Variants in CSMD1 observed in about 807,000 individuals in gnomAD.
The protein encoded by CSMD1 is CUB and Sushi multiple domains 1.
A neutral mutation model predicts 417.5 loss-of-function variants in CSMD1; 213 were observed. That is an observed-to-expected ratio of 0.51 (90% confidence interval 0.46 to 0.57). CSMD1 has a LOEUF of 0.57. Ranked by LOEUF, CSMD1 falls within the 20% of genes least tolerant of loss-of-function variation. The probability of loss-of-function intolerance (pLI) is 0.00; values close to 1 mark genes in which losing one functional copy is unlikely to be tolerated. For synonymous variants in CSMD1, 2,862 were observed against 1,736.8 expected, an observed-to-expected ratio of 1.65 and a Z score of -16.11; for missense variants, 6,923 against 4,529.7, an observed-to-expected ratio of 1.53 and a Z score of -15.17.
intron 3 of CSMD1, among the ~76,000 whole-genome samples, chr8:4,315,228 G>C (rs1263731677): frequency 6.6e-6 from 1 of 152,178 alleles, no homozygotes; most frequent in East Asian, 1.9e-4. Flanking sequence ...TCAAAGGAAA[G>C]CCCAGCTCTG....
chr8:3,707,122 G>T (rs1294133246), intron 7 of CSMD1, among the ~76,000 whole-genome samples: 2 of 152,258 alleles, frequency 1.3e-5, no homozygotes, highest in African/African-American at 2.4e-5. Context: ...GCGCAGGACT[G>T]AGCACAGACT....
At chr8:3,740,903 G>C (rs1796767254) in intron 6 of CSMD1, among the ~76,000 whole-genome samples, 1 of 152,080 alleles carries the variant, frequency 6.6e-6, no homozygotes, top group South Asian at 2.1e-4. Flanking sequence ...CCAGGGGTGG[G>C]AGGAAACTGG....
rs188041655 is a variant in CSMD1 at position 4,121,682 on chromosome 8, G to C, written c.416-89583C>G. ...TAAGCCAAGATTTTCTAATTTCAAA[G>C]TTGAAGAGGGTTTTCATCATTCTGA... On this transcript the variant is annotated intron_variant, in intron 3 of 69. Coordinates refer to ENST00000635120, the MANE Select transcript of CSMD1 (RefSeq NM_033225.6). 3.8e-3 allele frequency among the ~76,000 whole-genome samples: 569 copies of C among 149,770 alleles called. 2 individuals carry two copies. Among genetic ancestry groups the C allele is most frequent in the African/African-American group, 0.013 (538 of 40,756 alleles).
intron 3 of CSMD1, among the ~76,000 whole-genome samples, chr8:4,393,117 A>C (rs528629703): frequency 1.7e-4 from 26 of 152,034 alleles, no homozygotes; most frequent in Non-Finnish European, 3.5e-4. Flanking sequence ...CTGGGATTAC[A>C]GGCGTGTGCC....
chr8:4,717,310 C>CATATATATATATATATATATAT (rs377764710), intron 1 of CSMD1, among the ~76,000 whole-genome samples: 133 of 137,068 alleles, frequency 9.7e-4, no homozygotes, highest in African/African-American at 3.8e-3. Flanking sequence ...TCTCTCTCTC[C>CATATATATATATATATATATAT]ATATATATAT....
chr8:3,886,340 T>C (rs1017168848), intron 5 of CSMD1, among the ~76,000 whole-genome samples: 16 of 152,216 alleles, frequency 1.1e-4, no homozygotes, highest in African/African-American at 3.9e-4. Context: ...TGGGCCACTG[T>C]GCCAGGCCCA....
intron 7 of CSMD1, among the ~76,000 whole-genome samples, chr8:3,670,442 ATAT>A (rs1798929623): frequency 6.7e-6 from 1 of 150,022 alleles, no homozygotes; most frequent in South Asian, 2.1e-4. Flanking sequence ...TCCCCTTTAT[ATAT>A]ATATAAATAT....
At position 3,110,350 on chromosome 8, in the gene CSMD1, A is replaced by G. The variant is rs761005673; in HGVS notation, c.6431-15T>C. ...CCCACAAGGGGCTGCAAAGGAAACCAAGAAAAAACAAGCGCCATACAGCTG... is the reference window on the plus strand; with the variant it reads ...CCCACAAGGGGCTGCAAAGGAAACCGAGAAAAAACAAGCGCCATACAGCTG... On this transcript the variant is annotated splice_polypyrimidine_tract_variant and intron_variant, in intron 42 of 69. Coordinates refer to ENST00000635120, the MANE Select transcript of CSMD1 (RefSeq NM_033225.6). 13 of 1,583,092 alleles carry G rather than the reference A, an allele frequency of 8.2e-6. No individual in the cohort carries two copies. Among genetic ancestry groups the G allele is most frequent in the Non-Finnish European group, 1.1e-5 (13 of 1,165,360 alleles).
At chr8:3,471,649 CTCCT>C (rs199657555) in intron 11 of CSMD1, among the ~76,000 whole-genome samples, 2 of 140,392 alleles carry the variant, frequency 1.4e-5, no homozygotes, top group Non-Finnish European at 3.1e-5. Context: ...TTCTTCCTCT[CTCCT>C]TCCTTCCTTT....
intron 7 of CSMD1, among the ~76,000 whole-genome samples, chr8:3,638,527 T>A (rs937864462): frequency 8.5e-5 from 13 of 152,176 alleles, no homozygotes; most frequent in Non-Finnish European, 1.6e-4. Context: ...ATTTGGTAAT[T>A]CAGGAGTAGC....
intron 2 of CSMD1, among the ~76,000 whole-genome samples, chr8:4,447,329 T>G (rs1332870439): frequency 6.6e-6 from 1 of 152,162 alleles, no homozygotes; most frequent in Non-Finnish European, 1.5e-5. Flanking sequence ...ATTATCAGAA[T>G]GTGGTCATTC....
In CSMD1 at chr8:4,117,893, A is replaced by C. The variant is rs988299176; in HGVS notation, c.416-85794T>G. On this transcript the variant is annotated intron_variant, in intron 3 of 69. Transcript: ENST00000635120. ...CAAAAACCACAAAACAAAGTAGAGGAAAGACATTTAAAACTAGAGAAAGAA... is the reference window on the plus strand; with the variant it reads ...CAAAAACCACAAAACAAAGTAGAGGCAAGACATTTAAAACTAGAGAAAGAA... Among the ~76,000 whole-genome samples the C allele has an allele frequency of 3.3e-5, 5 of 152,130 alleles. No individual in the cohort carries two copies. In the East Asian group the frequency reaches 9.7e-4, roughly 29 times the overall value.
intron 7 of CSMD1, among the ~76,000 whole-genome samples, chr8:3,658,667 CA>C (rs1430357757): frequency 6.6e-6 from 1 of 151,878 alleles, no homozygotes; most frequent in East Asian, 1.9e-4. Flanking sequence ...CCTGTAATCC[CA>C]GCTACTCAGG....
chr8:4,862,735 A>C (rs1379826105), intron 1 of CSMD1, among the ~76,000 whole-genome samples: 5 of 152,110 alleles, frequency 3.3e-5, no homozygotes, highest in Non-Finnish European at 7.3e-5. Context: ...CTGGGCCGGA[A>C]ATAAAAACAC....
At chr8:4,177,268 T>A (rs1020304430) in intron 3 of CSMD1, among the ~76,000 whole-genome samples, 8 of 152,112 alleles carry the variant, frequency 5.3e-5, no homozygotes, top group African/African-American at 1.9e-4. Flanking sequence ...AACTCAGGAT[T>A]AAGAAACTCA....
intron 2 of CSMD1, among the ~76,000 whole-genome samples, chr8:4,531,878 G>A (rs985886293): frequency 1.2e-4 from 18 of 151,774 alleles, no homozygotes; most frequent in Admixed American, 1.1e-3. Context: ...CTCCGGAAGA[G>A]AAATCCTGCA....
chr8:4,200,698 A>C (rs1009873026), intron 3 of CSMD1, among the ~76,000 whole-genome samples: 2 of 152,128 alleles, frequency 1.3e-5, no homozygotes, highest in African/African-American at 4.8e-5. Context: ...TCTACAAAAC[A>C]TAACAATTAA....
intron 7 of CSMD1, among the ~76,000 whole-genome samples, chr8:3,661,294 C>A (rs1051389238): frequency 6.6e-6 from 1 of 152,122 alleles, no homozygotes; most frequent in Non-Finnish European, 1.5e-5. Context: ...CCCTGCTGAG[C>A]GTTCAAACTG....
intron 2 of CSMD1, among the ~76,000 whole-genome samples, chr8:4,529,886 A>T (rs201097096): frequency 0.19 from 22,908 of 117,978 alleles, 1,936 homozygotes; most frequent in Admixed American, 0.26. Context: ...TTTTTTTTTT[A>T]AATTTATTTA....
Sources: allele counts gnomAD v4.1 joint callset (sites outside exome capture counted in the v4.1 genomes callset), GRCh38; gene constraint gnomAD v4.1.1; transcripts MANE v1.5; gene names NCBI Gene and HGNC (gene_info 2026-07-23, HGNC 2026-07-21).